The following CD96 variants were observed in gnomAD, a reference collection of about 807,000 sequenced individuals.
CD96 encodes T-cell surface protein tactile.
A neutral mutation model predicts 71.3 loss-of-function variants in CD96; 70 were observed. That is an observed-to-expected ratio of 0.98 (90% CI 0.81 to 1.20). The LOEUF (loss-of-function observed/expected upper bound fraction) is 1.20. CD96 is among the 50% of genes most tolerant of loss of function. The probability of loss-of-function intolerance (pLI) is 0.00; values close to 1 mark genes in which losing one functional copy is unlikely to be tolerated. For synonymous variants in CD96, 248 were observed against 233.0 expected (o/e 1.06, Z -0.59); for missense variants, 742 against 677.5 (o/e 1.10, Z -1.06).
At position 111,578,980 on chromosome 3, in the gene CD96, C is replaced by T. The variant is rs745904059; in HGVS notation, c.544-47C>T. ...TGCTTGTCGAATGCCTAGTTCAGAG[C>T]TGGCACAGTTGAGGACTCAATAACT... On this transcript the variant is annotated intron_variant, in intron 3 of 13. Transcript: ENST00000352690. The T allele has an allele frequency of 8.7e-6, 8 of 923,478 alleles. No homozygotes were observed. In the African/African-American group the frequency reaches 1.1e-4, roughly 13 times the overall value. 57.2% of individuals were successfully genotyped at this position (923,478 alleles called of 1,614,324 possible).
chr3:111,660,215 C>A (rs1193832816), intron 14 of CD96, among the ~76,000 whole-genome samples: 2 of 152,168 alleles, frequency 1.3e-5, no homozygotes, highest in Non-Finnish European at 2.9e-5. Context: ...TTTCTATGCA[C>A]CAGAAACATC....
intron 12 of CD96, among the ~76,000 whole-genome samples, chr3:111,642,611 C>T (rs144312276): frequency 4.0e-5 from 6 of 151,842 alleles, no homozygotes; most frequent in Admixed American, 1.3e-4. Context: ...GTTCACGACC[C>T]GCCTGGCCAA....
At position 111,600,871 on chromosome 3, in the gene CD96, TAA is replaced by T; in HGVS notation, c.1046_1047del (p.Lys349SerfsTer16). ...TGGCTCTGTCTCCAGTCCCAGGAAA[TAA>T]AGTGTGGAACATCTCATCAGAAAAG... ...CMALSPVPGN[K>X]VWNISSEKIT... On this transcript the variant is annotated frameshift_variant, in exon 7 of 14. Coordinates refer to ENST00000352690, the MANE Select transcript of CD96 (RefSeq NM_005816.5). LOFTEE classifies it high-confidence loss of function. 1.9e-6 allele frequency: 3 copies of T among 1,613,362 alleles called. No homozygotes were observed. The highest frequency in any genetic ancestry group is 2.5e-6 in the Non-Finnish European group (3 of 1,179,362).
chr3:111,632,247 C>G (rs532928000), intron 10 of CD96, among the ~76,000 whole-genome samples: 21 of 152,250 alleles, frequency 1.4e-4, no homozygotes, highest in African/African-American at 4.8e-4. Context: ...TAGCCAGCAT[C>G]TATAAATACC....
intron 2 of CD96, among the ~76,000 whole-genome samples, chr3:111,565,119 C>A (rs1453388041): frequency 6.6e-6 from 1 of 152,142 alleles, no homozygotes; most frequent in Non-Finnish European, 1.5e-5. Context: ...TTGGATTAAT[C>A]TACCTGTCTT....
chr3:111,596,594 A>G (rs1016404242), intron 5 of CD96, among the ~76,000 whole-genome samples: 1 of 152,234 alleles, frequency 6.6e-6, no homozygotes, highest in African/African-American at 2.4e-5. Flanking sequence ...AAGAATGGTT[A>G]ATGTCACTGG....
At chr3:111,604,730 C>A (rs1937576504) in intron 7 of CD96, among the ~76,000 whole-genome samples, 1 of 152,106 alleles carries the variant, frequency 6.6e-6, no homozygotes, top group Non-Finnish European at 1.5e-5. Flanking sequence ...CATAACGCAC[C>A]AATATCTTCT....
chr3:111,571,187 G>GT (rs1233724172), intron 3 of CD96: 3 of 501,230 alleles, frequency 6.0e-6, no homozygotes, highest in South Asian at 3.5e-5. Context: ...TGGAGTAAGA[G>GT]TTTTTTTGTT....
chr3:111,600,955 G>T, intron 7 of CD96, 41 bp downstream of exon 7: 1 of 1,257,588 alleles, frequency 8.0e-7, no homozygotes, highest in Non-Finnish European at 1.2e-6. Context: ...AGTTTGCTAA[G>T]ACTGCCATAA....
At chr3:111,589,773 G>T (rs1936889935) in intron 5 of CD96, among the ~76,000 whole-genome samples, 2 of 152,146 alleles carry the variant, frequency 1.3e-5, no homozygotes, top group African/African-American at 2.4e-5. Flanking sequence ...TATTTAGTGT[G>T]CCTGTATCCA....
intron 5 of CD96, chr3:111,594,265 A>G (rs1937150786): frequency 4.7e-6 from 7 of 1,497,782 alleles, no homozygotes; most frequent in Non-Finnish European, 5.4e-6. Flanking sequence ...TATTTGAACC[A>G]CAAGATTAAA....
At chr3:111,586,782 A>G (rs1936734393) in intron 5 of CD96, among the ~76,000 whole-genome samples, 1 of 152,132 alleles carries the variant, frequency 6.6e-6, no homozygotes, top group Non-Finnish European at 1.5e-5. Flanking sequence ...ACCTCCCACC[A>G]GGTCCCTCCC....
chr3:111,611,261 C>T lies in CD96; in HGVS notation c.1180+4469C>T, dbSNP rs531027520. 5.3e-5 allele frequency among the ~76,000 whole-genome samples: 8 copies of T among 152,300 alleles called. No homozygotes were observed. In the Middle Eastern group the frequency reaches 0.014, roughly 259 times the overall value. ...CAGCCAGCACCCCAGGTAGACATAA[C>T]TGATCTTCGGCAAGTGGATGATCAG... On this transcript the variant is annotated intron_variant, in intron 8 of 13. Coordinates refer to ENST00000352690, the MANE Select transcript of CD96 (RefSeq NM_005816.5).
intron 2 of CD96, among the ~76,000 whole-genome samples, chr3:111,550,275 G>C (rs112682991): frequency 2.8e-4 from 42 of 152,252 alleles, no homozygotes; most frequent in African/African-American, 9.9e-4. Flanking sequence ...AAGTCAGGCT[G>C]GAGGGAGAAG....
intron 10 of CD96, among the ~76,000 whole-genome samples, chr3:111,628,547 C>A (rs757824665): frequency 9.9e-5 from 15 of 152,156 alleles, no homozygotes; most frequent in Non-Finnish European, 1.3e-4. Flanking sequence ...GAATCTATGA[C>A]TGATTGGGGT....
intron 3 of CD96, among the ~76,000 whole-genome samples, chr3:111,570,139 A>T (rs1038918487): frequency 2.0e-5 from 3 of 152,050 alleles, no homozygotes; most frequent in Non-Finnish European, 4.4e-5. Context: ...GGGTTGGGGA[A>T]TCCCCTCTCT....
chr3:111,663,615 T>G (rs543361494), intron 14 of CD96, among the ~76,000 whole-genome samples: 1 of 152,108 alleles, frequency 6.6e-6, no homozygotes, highest in African/African-American at 2.4e-5. Flanking sequence ...TGAAAAAATG[T>G]TCAACATCAC....
At chr3:111,644,055 C>T (rs1939715455) in intron 12 of CD96, among the ~76,000 whole-genome samples, 2 of 152,132 alleles carry the variant, frequency 1.3e-5, no homozygotes, top group Non-Finnish European at 2.9e-5. Context: ...AAGAACAAAT[C>T]TGGAGGCATC....
chr3:111,658,410 A>G (rs1940282386), intron 14 of CD96, among the ~76,000 whole-genome samples: 1 of 152,236 alleles, frequency 6.6e-6, no homozygotes, highest in Non-Finnish European at 1.5e-5. Context: ...TCAAGAGCAG[A>G]TTAAGAAATA....
Sources: gnomAD v4.1 joint callset for allele counts (sites outside exome capture counted in the v4.1 genomes callset) on GRCh38, gnomAD v4.1.1 for gene constraint, MANE v1.5 for transcripts, NCBI Gene and HGNC (gene_info 2026-07-23, HGNC 2026-07-21) for gene names.